Variants in ZHX3 observed in about 807,000 individuals in gnomAD.
ZHX3 encodes the protein zinc fingers and homeoboxes 3, also known as zinc fingers and homeoboxes protein 3.
ZHX3 carries 20 observed loss-of-function variants against 64.5 expected under a neutral mutation model. The observed-to-expected ratio is 0.31, with a 90% confidence interval of 0.22 to 0.45. The LOEUF is 0.45. Ranked by LOEUF, ZHX3 falls within the 20% of genes least tolerant of loss-of-function variation. The pLI, the probability that ZHX3 is intolerant of heterozygous loss-of-function variation, is 1.00. For synonymous variants in ZHX3, 423 were observed against 461.6 expected (o/e 0.92, Z 1.07); for missense variants, 1,041 against 1,195.8 (o/e 0.87, Z 1.91).
intron 2 of ZHX3, among the ~76,000 whole-genome samples, chr20:41,257,833 G>T (rs1318482859): frequency 7.0e-6 from 1 of 143,536 alleles, no homozygotes; most frequent in Admixed American, 6.8e-5. Context: ...GGCTGGTCTC[G>T]AACTCCTGAC....
chr20:41,190,514 T>C (rs1032767222), intron 3 of ZHX3, among the ~76,000 whole-genome samples: 1 of 152,222 alleles, frequency 6.6e-6, no homozygotes, highest in Non-Finnish European at 1.5e-5. Context: ...TATACTGTTG[T>C]TTTCTAGTTG....
At position 41,201,431 on chromosome 20, in the gene ZHX3, C is replaced by G. The variant is rs2038210879; in HGVS notation, c.2860+626G>C. 1 of 1,245,362 alleles carries G rather than the reference C, an allele frequency of 8.0e-7. No individual in the cohort carries two copies. Among genetic ancestry groups the G allele is most frequent in the African/African-American group, 1.6e-5 (1 of 64,448 alleles). 77.1% of individuals were successfully genotyped at this position (1,245,362 alleles called of 1,614,324 possible). ...ACATGACTTGTCTGTGGCTTCAAAA[C>G]TATGTCTTAAATAAAAATAATCTTC... On this transcript the variant is annotated intron_variant, in intron 3 of 3. Transcript: ENST00000683867. The surrounding 1 kb of genome is among the most constrained non-coding windows in gnomAD (Gnocchi z 5.0).
intron 2 of ZHX3, among the ~76,000 whole-genome samples, chr20:41,205,906 G>A (rs1001625173): frequency 3.3e-5 from 5 of 152,194 alleles, no homozygotes; most frequent in South Asian, 2.1e-4. Context: ...AGTAGGGGCC[G>A]ACTGACACCT....
At chr20:41,283,919 AGAG>A (rs1309518313) in intron 1 of ZHX3, among the ~76,000 whole-genome samples, 7 of 152,186 alleles carry the variant, frequency 4.6e-5, no homozygotes, top group Non-Finnish European at 7.3e-5. Context: ...GAAGATGAGG[AGAG>A]AAGAGAAAAC....
At chr20:41,279,517 C>T (rs890014050) in intron 1 of ZHX3, among the ~76,000 whole-genome samples, 3 of 152,036 alleles carry the variant, frequency 2.0e-5, no homozygotes, top group Non-Finnish European at 4.4e-5. Flanking sequence ...ATGTCTGATA[C>T]TTTTCAGAAG....
chr20:41,268,153 A>G (rs910605544), intron 2 of ZHX3, among the ~76,000 whole-genome samples: 2 of 152,154 alleles, frequency 1.3e-5, no homozygotes, highest in African/African-American at 2.4e-5. Context: ...AGATGTTGCC[A>G]TGGAGTTGCC....
At chr20:41,213,438 C>A (rs1381850811) in intron 2 of ZHX3, among the ~76,000 whole-genome samples, 1 of 152,174 alleles carries the variant, frequency 6.6e-6, no homozygotes, top group Non-Finnish European at 1.5e-5. Flanking sequence ...TCCTGACTCA[C>A]CTTGGTAATA....
chr20:41,187,362 A>G (rs2036607920), intron 3 of ZHX3, among the ~76,000 whole-genome samples: 1 of 151,114 alleles, frequency 6.6e-6, no homozygotes. Flanking sequence ...TAATTGCCTA[A>G]TCAAAAATCT....
intron 2 of ZHX3, among the ~76,000 whole-genome samples, chr20:41,221,522 T>A (rs1464357223): frequency 6.6e-6 from 1 of 152,022 alleles, no homozygotes; most frequent in South Asian, 2.1e-4. Context: ...CAAAAAAAAA[T>A]AGATAGAAAT....
In ZHX3 at chr20:41,201,396, AC is replaced by A. The variant is rs1421775169; in HGVS notation, c.2860+660del. 1.8e-5 allele frequency: 23 copies of A among 1,296,392 alleles called. No homozygotes were observed. Among genetic ancestry groups the A allele is most frequent in the Non-Finnish European group, 2.3e-5 (23 of 981,724 alleles). The allele number at this position is 1,296,392 out of a possible 1,614,324, so 80.3% of individuals were successfully genotyped here. A position where few individuals can be genotyped will look rare whatever the true frequency, so the allele number is the denominator to read the frequency against. On this transcript the variant is annotated intron_variant, in intron 3 of 3. Transcript: ENST00000683867. This position sits in a 1 kb window ranked among gnomAD's most constrained non-coding sequence, Gnocchi z 5.0. ...CAGTGACCAGGAACCTAGAAAATCA[AC>A]ACGTAATAACATGACTTGTCTGTGG... is the stretch of plus-strand genomic sequence containing the variant.
At position 41,200,815 on chromosome 20, in the gene ZHX3, A is replaced by C; in HGVS notation, c.2860+1242T>G. Among the ~76,000 whole-genome samples the C allele has an allele frequency of 6.6e-6, 1 of 152,236 alleles. No homozygotes were observed. Among genetic ancestry groups the C allele is most frequent in the East Asian group, 1.9e-4 (1 of 5,200 alleles). On this transcript the variant is annotated intron_variant, in intron 3 of 3. Transcript: ENST00000683867. The surrounding 1 kb of genome is among the most constrained non-coding windows in gnomAD (Gnocchi z 4.2). ...CCAACCCACCAAATTATGGGCCAAA[A>C]AGGAAGTCTCTTTTTCCTTAATTCA...
rs1244062532 is a variant in ZHX3, at chr20:41,228,416, G to T, written c.-150-23350C>A. 6.6e-6 allele frequency among the ~76,000 whole-genome samples: 1 copy of T among 152,096 alleles called. No homozygotes were observed. The highest frequency in any genetic ancestry group is 2.4e-5 in the African/African-American group (1 of 41,404). On this transcript the variant is annotated intron_variant, in intron 2 of 3. Coordinates refer to ENST00000683867, the MANE Select transcript of ZHX3 (RefSeq NM_001384317.1). The surrounding 1 kb of genome is among the most constrained non-coding windows in gnomAD (Gnocchi z 4.6). Reference sequence around the variant, plus strand: ...CACCATTTGTCTTAGTCCGTTCGGGGTGCTATAACAAAAACATCATAGACT... The same window carrying T: ...CACCATTTGTCTTAGTCCGTTCGGGTTGCTATAACAAAAACATCATAGACT...
intron 1 of ZHX3, among the ~76,000 whole-genome samples, chr20:41,300,340 A>G (rs1301423181): frequency 6.6e-6 from 1 of 152,178 alleles, no homozygotes; most frequent in Non-Finnish European, 1.5e-5. Context: ...ATTTCTAGTT[A>G]AATTAATCTG....
In ZHX3 at chr20:41,236,124, A is replaced by T. The variant is rs371998079; in HGVS notation, c.-150-31058T>A. On this transcript the variant is annotated intron_variant, in intron 2 of 3. Transcript: ENST00000683867. ...CCACTGCTCAATGAAATAAAAGAGG[A>T]TACAAACAAATGGAAGAACATTCCA... Among the ~76,000 whole-genome samples, 77 of 152,330 alleles carry T rather than the reference A, an allele frequency of 5.1e-4. 1 individual carries two copies. Among genetic ancestry groups the T allele is most frequent in the East Asian group, 4.8e-3 (25 of 5,192 alleles).
At chr20:41,271,502 T>C (rs978993334) in intron 1 of ZHX3, among the ~76,000 whole-genome samples, 4 of 152,218 alleles carry the variant, frequency 2.6e-5, no homozygotes, top group African/African-American at 9.6e-5. Context: ...TAGCTTTGTT[T>C]GCTTCACATC....
At chr20:41,284,271 C>T (rs2043829525) in intron 1 of ZHX3, among the ~76,000 whole-genome samples, 1 of 152,172 alleles carries the variant, frequency 6.6e-6, no homozygotes, top group East Asian at 1.9e-4. Context: ...CTTCTCAGGC[C>T]ACTCACTTTC....
At chr20:41,193,252 G>A (rs1003381092) in intron 3 of ZHX3, among the ~76,000 whole-genome samples, 6 of 152,078 alleles carry the variant, frequency 3.9e-5, no homozygotes, top group Non-Finnish European at 5.9e-5. Context: ...AGTTTGCTTT[G>A]GGTCACGTCT....
chr20:41,316,290 G>A (rs2045286109), intron 1 of ZHX3, among the ~76,000 whole-genome samples: 2 of 152,014 alleles, frequency 1.3e-5, no homozygotes, highest in South Asian at 2.1e-4. Flanking sequence ...ACTATTTTGC[G>A]CTTCTGGATT....
chr20:41,226,010 G>A lies in ZHX3; in HGVS notation c.-150-20944C>T, dbSNP rs941694120. 6.6e-6 allele frequency among the ~76,000 whole-genome samples: 1 copy of A among 152,118 alleles called. No individual in the cohort carries two copies. The highest frequency in any genetic ancestry group is 2.4e-5 in the African/African-American group (1 of 41,408). On this transcript the variant is annotated intron_variant, in intron 2 of 3. Coordinates refer to ENST00000683867, the MANE Select transcript of ZHX3 (RefSeq NM_001384317.1). The surrounding 1 kb of genome is among the most constrained non-coding windows in gnomAD (Gnocchi z 4.4). ...TCATATAAATGAAGTTATATTTCAA[G>A]ATGTAGCCCAACTAGAAGAGAATGA... is the stretch of plus-strand genomic sequence containing the variant.
Sources: gnomAD v4.1 joint callset for allele counts (sites outside exome capture counted in the v4.1 genomes callset) on GRCh38, gnomAD v4.1.1 for gene constraint, Gnocchi (gnomAD v3.1) non-coding constraint, MANE v1.5 for transcripts, NCBI Gene and HGNC (gene_info 2026-07-23, HGNC 2026-07-21) for gene names.